The following ROBO2 variants were observed in gnomAD, a reference collection of about 807,000 sequenced individuals.
ROBO2 encodes roundabout guidance receptor 2, also known as roundabout homolog 2.
In ROBO2, 53 loss-of-function variants were observed where a neutral mutation model predicts 160.8. The ratio of observed to expected loss-of-function variants is 0.33; its 90% CI spans 0.26 to 0.41. ROBO2 has a LOEUF of 0.41. ROBO2 is among the 10% of genes least tolerant of loss of function. The pLI, the probability that ROBO2 is intolerant of heterozygous loss-of-function variation, is 1.00. For missense variants in ROBO2, 1,577 were observed against 1,722.4 expected, an observed-to-expected ratio of 0.92 and a Z score of 1.49; for synonymous variants, 664 against 611.7, an observed-to-expected ratio of 1.09 and a Z score of -1.26.
intron 2 of ROBO2, among the ~76,000 whole-genome samples, chr3:77,443,938 T>C (rs780755094): frequency 2.6e-5 from 4 of 152,148 alleles, no homozygotes; most frequent in African/African-American, 4.8e-5. Flanking sequence ...AACTTCTCAA[T>C]CTTCTAAAAC....
intron 2 of ROBO2, among the ~76,000 whole-genome samples, chr3:76,089,851 T>C (rs2069158271): frequency 6.6e-6 from 1 of 152,042 alleles, no homozygotes; most frequent in African/African-American, 2.4e-5. Flanking sequence ...AAACAAAATT[T>C]TAAAATATAG....
chr3:77,455,047 A>T (rs2081485844), intron 2 of ROBO2, among the ~76,000 whole-genome samples: 1 of 152,194 alleles, frequency 6.6e-6, no homozygotes, highest in South Asian at 2.1e-4. Context: ...AGATGTTAAT[A>T]GTCACTAGCT....
chr3:77,438,617 T>G (rs2079579095), intron 2 of ROBO2, among the ~76,000 whole-genome samples: 1 of 151,894 alleles, frequency 6.6e-6, no homozygotes, highest in African/African-American at 2.4e-5. Flanking sequence ...ATTATATTAA[T>G]ATCAATAGTT....
At chr3:76,085,894 A>G (rs2108059715) in intron 2 of ROBO2, among the ~76,000 whole-genome samples, 1 of 152,312 alleles carries the variant, frequency 6.6e-6, no homozygotes, top group Middle Eastern at 3.4e-3. Flanking sequence ...TGAATATTGG[A>G]TAAAAATCTC....
At chr3:77,602,648 TACCACCACCACCGCC>T (rs1231313467) in intron 20 of ROBO2, 157 bp downstream of exon 21, 22 of 866,078 alleles carry the variant, frequency 2.5e-5, no homozygotes, top group East Asian at 5.3e-5. Flanking sequence ...GAGTAATTCC[TACCACCACCACCGCC>T]ACCACCACCA....
At chr3:77,547,143 G>T (rs1259954910) in intron 7 of ROBO2, among the ~76,000 whole-genome samples, 1 of 151,940 alleles carries the variant, frequency 6.6e-6, no homozygotes, top group Non-Finnish European at 1.5e-5. Flanking sequence ...AAAGTCAACT[G>T]GATACACTAG....
intron 2 of ROBO2, among the ~76,000 whole-genome samples, chr3:76,325,644 T>C (rs769355171): frequency 2.6e-5 from 4 of 151,902 alleles, no homozygotes; most frequent in Non-Finnish European, 5.9e-5. Flanking sequence ...TGAATAAGTT[T>C]CTCCCTTGAT....
At chr3:77,121,912 T>G (rs2074811709) in intron 2 of ROBO2, among the ~76,000 whole-genome samples, 1 of 152,186 alleles carries the variant, frequency 6.6e-6, no homozygotes, top group African/African-American at 2.4e-5. Flanking sequence ...ATATTTAGAA[T>G]TTTATTATTA....
chr3:76,538,151 T>TCACACACACACACA (rs3223397), intron 2 of ROBO2, among the ~76,000 whole-genome samples: 13 of 146,256 alleles, frequency 8.9e-5, no homozygotes, highest in African/African-American at 3.1e-4. Flanking sequence ...CTGACAGAAC[T>TCACACACACACACA]CACACACACA....
intron 2 of ROBO2, among the ~76,000 whole-genome samples, chr3:76,915,822 A>G (rs555785242): frequency 6.6e-6 from 1 of 152,174 alleles, no homozygotes; most frequent in Non-Finnish European, 1.5e-5. Context: ...CAGGAGGCCT[A>G]AACAGCAAAT....
chr3:77,629,879 C>CAATAAATAT (rs1383108680), intron 23 of ROBO2: 1 of 152,030 alleles, frequency 6.6e-6, no homozygotes, highest in Non-Finnish European at 1.5e-5. Flanking sequence ...TGTCACTGGA[C>CAATAAATAT]AATAAATATG....
intron 2 of ROBO2, among the ~76,000 whole-genome samples, chr3:76,256,986 C>T (rs1245937383): frequency 1.3e-5 from 2 of 152,054 alleles, no homozygotes; most frequent in Admixed American, 1.3e-4. Flanking sequence ...AACTCACTCA[C>T]TACCGAGAGG....
chr3:76,240,994 A>G (rs1705250678), intron 2 of ROBO2, among the ~76,000 whole-genome samples: 1 of 152,244 alleles, frequency 6.6e-6, no homozygotes, highest in South Asian at 2.1e-4. Context: ...GAAGTTGTAG[A>G]TTTGGGAGGA....
At chr3:76,027,653 C>T (rs2066787372) in intron 2 of ROBO2, among the ~76,000 whole-genome samples, 1 of 151,836 alleles carries the variant, frequency 6.6e-6, no homozygotes, top group Non-Finnish European at 1.5e-5. Context: ...ATGATTTTCT[C>T]AGAAAATTTT....
chr3:76,995,954 A>T (rs1239341148), intron 2 of ROBO2, among the ~76,000 whole-genome samples: 1 of 152,120 alleles, frequency 6.6e-6, no homozygotes, highest in Admixed American at 6.5e-5. Flanking sequence ...TCTTTAGTTT[A>T]ATTAGATCCC....
chr3:76,742,829 T>C (rs1212796055), intron 2 of ROBO2, among the ~76,000 whole-genome samples: 1 of 111,828 alleles, frequency 8.9e-6, no homozygotes, highest in Non-Finnish European at 1.7e-5. Context: ...TATTCACACA[T>C]ACCAAAATCC....
chr3:76,434,195 G>A (rs2076563233), intron 2 of ROBO2: 3 of 1,111,972 alleles, frequency 2.7e-6, no homozygotes, highest in Non-Finnish European at 2.8e-6. Context: ...AAGAGACTGG[G>A]GGAGACGTGC....
intron 2 of ROBO2, among the ~76,000 whole-genome samples, chr3:76,875,386 G>T (rs2072599027): frequency 6.6e-6 from 1 of 152,150 alleles, no homozygotes; most frequent in Non-Finnish European, 1.5e-5. Flanking sequence ...TAGTGTATTA[G>T]ATTCCTATGG....
At chr3:76,410,882 T>C (rs1169718908) in intron 2 of ROBO2, among the ~76,000 whole-genome samples, 1 of 152,166 alleles carries the variant, frequency 6.6e-6, no homozygotes, top group Non-Finnish European at 1.5e-5. Flanking sequence ...ATATTTAAAA[T>C]TGAATTAGTA....
Sources: allele counts gnomAD v4.1 joint callset (sites outside exome capture counted in the v4.1 genomes callset), GRCh38; gene constraint gnomAD v4.1.1; transcripts MANE v1.5; gene names NCBI Gene and HGNC (gene_info 2026-07-23, HGNC 2026-07-21).